VDAC1: variants seen among roughly 807,000 people sequenced by gnomAD.
VDAC1 encodes the protein non-selective voltage-gated ion channel VDAC1.
VDAC1 carries 10 observed loss-of-function variants against 34.7 expected under a neutral mutation model. The ratio of observed to expected loss-of-function variants is 0.29; its 90% CI spans 0.18 to 0.49. The LOEUF is 0.49. VDAC1 is among the 20% of genes least tolerant of loss of function. The probability of loss-of-function intolerance (pLI) is 0.99; values close to 1 mark genes in which losing one functional copy is unlikely to be tolerated. For synonymous variants in VDAC1, 130 were observed against 136.0 expected (o/e 0.96, Z 0.30); for missense variants, 230 against 347.9 (o/e 0.66, Z 2.69).
chr5:134,103,550 A>G, the VDAC1 span, among the ~76,000 whole-genome samples: 1 of 152,142 alleles, frequency 6.6e-6, no homozygotes, highest in Admixed American at 6.5e-5. Flanking sequence ...CCAGCCTTCA[A>G]GCTGGTGCCC....
chr5:134,108,192 T>C, the VDAC1 span, among the ~76,000 whole-genome samples: 2 of 152,124 alleles, frequency 1.3e-5, no homozygotes, highest in African/African-American at 4.8e-5. Context: ...GACTGCAGAA[T>C]GCCCAGCTAA....
the VDAC1 span, among the ~76,000 whole-genome samples, chr5:134,085,722 T>TAAAAAAAAAA: frequency 0.12 from 5,251 of 44,178 alleles, 1,169 homozygotes; most frequent in East Asian, 0.16. Flanking sequence ...ACCCCATTTC[T>TAAAAAAAAAA]AAAAAAAAAA....
the VDAC1 span, among the ~76,000 whole-genome samples, chr5:134,050,622 C>G: frequency 6.6e-6 from 1 of 152,222 alleles, no homozygotes; most frequent in Admixed American, 6.5e-5. Context: ...TCCACTTCTT[C>G]TTAGAAGCTT....
the VDAC1 span, among the ~76,000 whole-genome samples, chr5:134,077,642 A>G: frequency 1.3e-5 from 2 of 152,212 alleles, no homozygotes; most frequent in African/African-American, 4.8e-5. Context: ...TCATTTAATC[A>G]TCACCATAAC....
chr5:134,000,816 G>C (rs1753521399), intron 1 of VDAC1, among the ~76,000 whole-genome samples: 1 of 152,084 alleles, frequency 6.6e-6, no homozygotes, highest in Non-Finnish European at 1.5e-5. Flanking sequence ...TTTATCACAA[G>C]TTTTCATTTT....
At chr5:134,014,421 T>C in the VDAC1 span, among the ~76,000 whole-genome samples, 1 of 152,158 alleles carries the variant, frequency 6.6e-6, no homozygotes, top group African/African-American at 2.4e-5. Context: ...ATGGGTATTA[T>C]TAAAAAGTTA....
chr5:134,012,313 T>C, the VDAC1 span, among the ~76,000 whole-genome samples: 1 of 152,232 alleles, frequency 6.6e-6, no homozygotes, highest in Non-Finnish European at 1.5e-5. Flanking sequence ...TTTAAACCAC[T>C]GAGTCTGTGG....
At position 133,980,689 on chromosome 5, in the gene VDAC1, A is replaced by AGGC; in HGVS notation, c.551+39_551+40insGCC. 53 of 564,018 alleles carry AGGC rather than the reference A, an allele frequency of 9.4e-5. 1 individual carries two copies. The highest frequency in any genetic ancestry group is 1.5e-4 in the Non-Finnish European group (45 of 298,412). 34.9% of individuals were successfully genotyped at this position (564,018 alleles called of 1,614,324 possible). ...CAATCCCCTTACCACACATGCTCCA[A>AGGC]CCCCACCCCTCCCACCCTGCTGCCC... On this transcript the variant is annotated intron_variant, in intron 6 of 8. Transcript: ENST00000265333.
intron 5 of VDAC1, among the ~76,000 whole-genome samples, chr5:133,989,591 C>T (rs934410405): frequency 4.6e-5 from 7 of 151,918 alleles, no homozygotes; most frequent in African/African-American, 1.7e-4. Context: ...AACTCCTGAC[C>T]TCAAGCAATC....
At chr5:133,972,991 A>G in intron 8 of VDAC1, 129 bp from the exon 9 acceptor site, 1 of 706,600 alleles carries the variant, frequency 1.4e-6, no homozygotes, top group Non-Finnish European at 2.5e-6. Flanking sequence ...TGGCCCTTCA[A>G]TCCTTGTTAC....
the VDAC1 span, among the ~76,000 whole-genome samples, chr5:134,113,576 G>C: frequency 2.6e-5 from 4 of 152,238 alleles, no homozygotes; most frequent in Admixed American, 2.6e-4. Context: ...AGGCGTGAGC[G>C]TCTACAGTGA....
chr5:134,039,635 C>T, the VDAC1 span, among the ~76,000 whole-genome samples: 1 of 152,200 alleles, frequency 6.6e-6, no homozygotes, highest in Non-Finnish European at 1.5e-5. Flanking sequence ...GGCAGACGTG[C>T]GTAATTTTAA....
chr5:134,110,774 G>T, the VDAC1 span, among the ~76,000 whole-genome samples: 1 of 152,202 alleles, frequency 6.6e-6, no homozygotes, highest in Non-Finnish European at 1.5e-5. Context: ...GACGTTTTCT[G>T]GAAATGCCAC....
the VDAC1 span, among the ~76,000 whole-genome samples, chr5:134,113,619 G>A: frequency 2.6e-5 from 4 of 152,270 alleles, no homozygotes; most frequent in Non-Finnish European, 5.9e-5. Context: ...GGGAGCTGCT[G>A]TTGACTGCAT....
chr5:134,088,157 AAAAAC>A, the VDAC1 span, among the ~76,000 whole-genome samples: 1,847 of 152,202 alleles, frequency 0.012, 35 homozygotes, highest in African/African-American at 0.042. Context: ...CCCTGTCTCA[AAAAAC>A]AAAACAAAAC....
the VDAC1 span, among the ~76,000 whole-genome samples, chr5:134,032,993 A>C: frequency 6.6e-6 from 1 of 151,204 alleles, no homozygotes; most frequent in Non-Finnish European, 1.5e-5. Context: ...TCTGCACTCC[A>C]GCCTGGGGGC....
At chr5:134,069,302 G>GT in the VDAC1 span, among the ~76,000 whole-genome samples, 2 of 152,146 alleles carry the variant, frequency 1.3e-5, no homozygotes, top group East Asian at 3.9e-4. Context: ...ATGGGCTATA[G>GT]TCCCAACCCT....
At chr5:134,008,350 C>G (rs1490231684), upstream of VDAC1, among the ~76,000 whole-genome samples, 1 of 152,180 alleles carries the variant, frequency 6.6e-6, no homozygotes, top group African/African-American at 2.4e-5. Flanking sequence ...TTTGCCTAGT[C>G]CAGTTTGGAT....
the VDAC1 span, among the ~76,000 whole-genome samples, chr5:134,061,530 C>T: frequency 6.6e-6 from 1 of 151,548 alleles, no homozygotes; most frequent in Non-Finnish European, 1.5e-5. Flanking sequence ...CACCACCATA[C>T]CCAGCTAATT....
Sources: allele counts gnomAD v4.1 joint callset (sites outside exome capture counted in the v4.1 genomes callset), GRCh38; gene constraint gnomAD v4.1.1; transcripts MANE v1.5; gene names NCBI Gene and HGNC (gene_info 2026-07-23, HGNC 2026-07-21).